The following RPTOR variants were observed in gnomAD, a reference collection of about 807,000 sequenced individuals.
The protein encoded by RPTOR is regulatory associated protein of MTOR complex 1, also known as regulatory-associated protein of mTOR.
RPTOR carries 21 observed loss-of-function variants against 169.9 expected under a neutral mutation model. The ratio of observed to expected loss-of-function variants is 0.12; its 90% CI spans 0.09 to 0.18. The LOEUF (loss-of-function observed/expected upper bound fraction) is 0.18, where lower values mean the gene tolerates loss of function less well. Ranked by LOEUF, RPTOR falls within the 10% of genes least tolerant of loss-of-function variation. The pLI, the probability that RPTOR is intolerant of heterozygous loss-of-function variation, is 1.00. For missense variants in RPTOR, 1,133 were observed against 1,855.9 expected, an observed-to-expected ratio of 0.61 and a Z score of 7.16; for synonymous variants, 732 against 753.2, an observed-to-expected ratio of 0.97 and a Z score of 0.46.
chr17:80,818,001 G>A lies in RPTOR; in HGVS notation c.891-4200G>A, dbSNP rs143962108. ...GAAACCGCATGCCACAGGTGAGCCC[G>A]GAAGTGTGGGGGAAGGTGGAGATAA... On this transcript the variant is annotated intron_variant, in intron 7 of 33. Coordinates refer to ENST00000306801, the MANE Select transcript of RPTOR (RefSeq NM_020761.3). Among the ~76,000 whole-genome samples, 5 of 152,324 alleles carry A rather than the reference G, an allele frequency of 3.3e-5. No individual in the cohort carries two copies. In the South Asian group the frequency reaches 8.3e-4, roughly 25 times the overall value.
rs772962644 is a variant in RPTOR, at chr17:80,834,273, G to A, written c.1137-3649G>A. 4.6e-5 allele frequency among the ~76,000 whole-genome samples: 7 copies of A among 152,214 alleles called. No individual in the cohort carries two copies. The East Asian group carries it at 7.7e-4, about 17-fold the overall frequency. ...ATCGGGTTCCAGCGCTTGTCTTTCA[G>A]CGGTTTGTAGGCGTTCTTTTACATC... On this transcript the variant is annotated intron_variant, in intron 9 of 33. Transcript: ENST00000306801.
intron 10 of RPTOR, among the ~76,000 whole-genome samples, chr17:80,839,151 G>C (rs1384875257): frequency 1.3e-5 from 2 of 152,262 alleles, no homozygotes. Flanking sequence ...GTGCGTGCGT[G>C]TGTACGCGTG....
intron 4 of RPTOR, among the ~76,000 whole-genome samples, chr17:80,714,272 T>C (rs2066221652): frequency 6.6e-6 from 1 of 152,172 alleles, no homozygotes; most frequent in Non-Finnish European, 1.5e-5. Context: ...TTGAGAAAAC[T>C]CTAGGCATAG....
intron 2 of RPTOR, among the ~76,000 whole-genome samples, chr17:80,634,836 GCA>G (rs1232951453): frequency 1.0e-4 from 14 of 138,520 alleles, no homozygotes; most frequent in African/African-American, 3.9e-4. Context: ...GTGTGTGTGT[GCA>G]TACCGTGTGT....
At chr17:80,548,795 G>A (rs2084310416) in intron 1 of RPTOR, among the ~76,000 whole-genome samples, 1 of 152,224 alleles carries the variant, frequency 6.6e-6, no homozygotes, top group East Asian at 1.9e-4. Context: ...TGTTTGTAAA[G>A]TGAAATGTGT....
At chr17:80,669,097 G>A (rs1292724716) in intron 3 of RPTOR, among the ~76,000 whole-genome samples, 4 of 152,260 alleles carry the variant, frequency 2.6e-5, no homozygotes, top group African/African-American at 9.6e-5. Context: ...CACCGAGGGA[G>A]GTGGTGGGAC....
chr17:80,658,872 A>G (rs2065699538), intron 3 of RPTOR, among the ~76,000 whole-genome samples: 1 of 152,076 alleles, frequency 6.6e-6, no homozygotes, highest in Non-Finnish European at 1.5e-5. Context: ...CTCTGGTGAA[A>G]ATTTTCACCT....
In RPTOR at chr17:80,923,576, G is replaced by A. The variant is rs2143981333; in HGVS notation, c.2711G>A (p.Gly904Asp). Residue 904 changes from glycine to aspartate, a missense_variant, in exon 23 of 34, where the codon GGC becomes GAC. Physicochemically the swap from Gly to Asp is moderately conservative, Grantham distance 94 (BLOSUM62 -1). This residue lies in a region of RPTOR where 123 missense variants were observed against 129.0 expected (regional missense o/e 0.95). Transcript: ENST00000306801. ...KQPVSRDLPS[G>D]RPGTTGPAGA... ...CCGGTCAGCCGAGACTTGCCTTCTGGCCGGCCGGGCACCACAGGCCCCGCT... is the reference window on the plus strand; with the variant it reads ...CCGGTCAGCCGAGACTTGCCTTCTGACCGGCCGGGCACCACAGGCCCCGCT... 2 of 1,613,464 alleles carry A rather than the reference G, an allele frequency of 1.2e-6. No individual in the cohort carries two copies. The highest frequency in any genetic ancestry group is 1.7e-6 in the Non-Finnish European group (2 of 1,179,984).
chr17:80,644,646 A>C (rs1282284373), intron 3 of RPTOR, among the ~76,000 whole-genome samples: 10 of 152,210 alleles, frequency 6.6e-5, no homozygotes, highest in Admixed American at 2.0e-4. Context: ...TCATGAAAAC[A>C]CATGATTTAT....
At chr17:80,913,537 C>T (rs554148212) in intron 21 of RPTOR, among the ~76,000 whole-genome samples, 2 of 152,268 alleles carry the variant, frequency 1.3e-5, no homozygotes, top group African/African-American at 4.8e-5. Flanking sequence ...ACTGCAGCCT[C>T]GACCTCCTGG....
At chr17:80,725,336 T>G (rs1230131498) in intron 4 of RPTOR, among the ~76,000 whole-genome samples, 1 of 152,256 alleles carries the variant, frequency 6.6e-6, no homozygotes, top group Non-Finnish European at 1.5e-5. Flanking sequence ...AGAAATTATC[T>G]AAAACCCATT....
intron 13 of RPTOR, among the ~76,000 whole-genome samples, chr17:80,866,752 C>T (rs2067996762): frequency 6.7e-6 from 1 of 148,512 alleles, no homozygotes; most frequent in Non-Finnish European, 1.5e-5. Context: ...CACTATGCTT[C>T]TTTTTTTTTT....
At chr17:80,556,713 A>G (rs577663416) in intron 1 of RPTOR, among the ~76,000 whole-genome samples, 1 of 152,052 alleles carries the variant, frequency 6.6e-6, no homozygotes, top group East Asian at 1.9e-4. Flanking sequence ...TTGCTCTTGA[A>G]ATGGATATAC....
intron 1 of RPTOR, among the ~76,000 whole-genome samples, chr17:80,589,525 T>C (rs2065088425): frequency 6.6e-6 from 1 of 152,244 alleles, no homozygotes; most frequent in African/African-American, 2.4e-5. Flanking sequence ...GATTTAATCA[T>C]ATCTGTAGGT....
rs1313422829 is a variant in RPTOR, at chr17:80,545,504, T to C, written c.-126T>C. ...CCTGAGTAAGGGTCTCCGCACTCTT[T>C]ATCCATTTGGTTTTCGATTTCCCGT... On this transcript the variant is annotated 5_prime_UTR_variant, in exon 1 of 34. Transcript: ENST00000306801. 2.8e-6 allele frequency: 2 copies of C among 727,034 alleles called. No individual in the cohort carries two copies. The highest frequency in any genetic ancestry group is 1.8e-5 in the African/African-American group (1 of 55,892). The allele number at this position is 727,034 out of a possible 1,614,324, so 45.0% of individuals were successfully genotyped here. A position where few individuals can be genotyped will look rare whatever the true frequency, so the allele number is the denominator to read the frequency against.
chr17:80,548,066 G>A (rs1288186556), intron 1 of RPTOR, among the ~76,000 whole-genome samples: 1 of 137,924 alleles, frequency 7.3e-6, no homozygotes, highest in Non-Finnish European at 1.5e-5. Context: ...TTTGTGGAGT[G>A]TTTTTCTGTT....
In RPTOR at chr17:80,640,140, T is replaced by C. The variant is rs185136171; in HGVS notation, c.266-3588T>C. Among the ~76,000 whole-genome samples the C allele has an allele frequency of 2.2e-4, 33 of 148,596 alleles. No homozygotes were observed. The East Asian group carries it at 6.4e-3, about 29-fold the overall frequency. ...ATCTCCTTTTCCATCCACCTACCCA[T>C]CCATTTCATTCATCAATTTACCCAC... On this transcript the variant is annotated intron_variant, in intron 2 of 33. Coordinates refer to ENST00000306801, the MANE Select transcript of RPTOR (RefSeq NM_020761.3).
intron 3 of RPTOR, among the ~76,000 whole-genome samples, chr17:80,699,880 G>A (rs1396322206): frequency 2.6e-5 from 4 of 150,998 alleles, no homozygotes; most frequent in Admixed American, 6.6e-5. Flanking sequence ...GAGGTGCTAC[G>A]CACAGTACCC....
chr17:80,716,725 C>A (rs554567762), intron 4 of RPTOR, among the ~76,000 whole-genome samples: 11 of 152,176 alleles, frequency 7.2e-5, no homozygotes, highest in Non-Finnish European at 1.0e-4. Flanking sequence ...GTCCTTGATC[C>A]ATCTTGGGTT....
Sources: allele counts gnomAD v4.1 joint callset (sites outside exome capture counted in the v4.1 genomes callset), GRCh38; gene constraint gnomAD v4.1.1; regional missense constraint gnomAD v4.1.1; transcripts MANE v1.5; gene names NCBI Gene and HGNC (gene_info 2026-07-23, HGNC 2026-07-21).